The following CA11 variants were observed in gnomAD, a reference collection of about 807,000 sequenced individuals.
CA11 encodes carbonic anhydrase 11 (inactive), also known as carbonic anhydrase-related protein 11.
A neutral mutation model predicts 39.3 loss-of-function variants in CA11; 20 were observed. The observed-to-expected ratio is 0.51, with a 90% CI of 0.36 to 0.74. The LOEUF (loss-of-function observed/expected upper bound fraction) is 0.74, where lower values mean the gene tolerates loss of function less well. CA11 is among the 30% of genes least tolerant of loss of function. The probability of loss-of-function intolerance (pLI) is 0.00; values close to 1 mark genes in which losing one functional copy is unlikely to be tolerated. For missense variants in CA11, 336 were observed against 424.6 expected (o/e 0.79, Z 1.83); for synonymous variants, 166 against 172.5 (o/e 0.96, Z 0.29).
At chr19:48,638,860 C>T (rs1488709970) in intron 8 of CA11, 28 bp downstream of exon 8, 1 of 1,538,640 alleles carries the variant, frequency 6.5e-7, no homozygotes, top group East Asian at 2.3e-5. Context: ...TAGCCCAAGA[C>T]TTAGAGGGGG....
Position 48,639,051 on chromosome 19 carries a change from C to T in CA11, c.798G>A (p.Met266Ile). 1.2e-6 allele frequency: 2 copies of T among 1,613,782 alleles called. No homozygotes were observed. Among genetic ancestry groups the T allele is most frequent in the Non-Finnish European group, 1.7e-6 (2 of 1,179,892 alleles). ...TCTGGCTCAGGAGTCTCAGGGAGTGCATCTGCAGTGGAAGGAGGGTGGGAA... is the reference window on the plus strand; with the variant it reads ...TCTGGCTCAGGAGTCTCAGGGAGTGTATCTGCAGTGGAAGGAGGGTGGGAA... ...DRALNITSLQ[M>I]HSLRLLSQNP... Residue 266 changes from methionine (M) to isoleucine (I), a missense_variant and splice_region_variant, in exon 8 of 9, where the codon ATG (methionine) becomes ATA (isoleucine). Coordinates refer to ENST00000084798, the MANE Select transcript of CA11 (RefSeq NM_001217.5).
intron 2 of CA11, 142 bp downstream of exon 2, chr19:48,645,261 C>G: frequency 2.9e-6 from 2 of 681,376 alleles, no homozygotes; most frequent in Non-Finnish European, 5.0e-6. Flanking sequence ...GGTTCAGAAG[C>G]TGGCCCGACT....
At chr19:48,642,729 A>C (rs1271156373) in intron 3 of CA11, among the ~76,000 whole-genome samples, 1 of 152,130 alleles carries the variant, frequency 6.6e-6, no homozygotes, top group East Asian at 1.9e-4. Context: ...GTACGCCACC[A>C]GTCCAGGTGG....
intron 2 of CA11, among the ~76,000 whole-genome samples, 183 bp downstream of exon 2, chr19:48,645,220 G>T (rs2031210298): frequency 6.6e-6 from 1 of 152,052 alleles, no homozygotes; most frequent in South Asian, 2.1e-4. Flanking sequence ...CTTGAAATGC[G>T]CATGTATAAT....
chr19:48,646,138 A>C lies in CA11; in HGVS notation c.-506T>G, dbSNP rs1601193890. 3.2e-5 allele frequency: 7 copies of C among 217,370 alleles called. No homozygotes were observed. Among genetic ancestry groups the C allele is most frequent in the Admixed American group, 1.2e-4 (2 of 16,352 alleles). The allele number at this position is 217,370 out of a possible 1,614,324, so 13.5% of individuals were successfully genotyped here. A position where few individuals can be genotyped will look rare whatever the true frequency, so the allele number is the denominator to read the frequency against. On this transcript the variant is annotated 5_prime_UTR_variant, in exon 1 of 9. Transcript: ENST00000084798. ...CGGCCTCCAGCTTCGTGCTCTCCCCACCTCCTCCTCTCCTGCCTCTTCTCC... is the reference window on the plus strand; with the variant it reads ...CGGCCTCCAGCTTCGTGCTCTCCCCCCCTCCTCCTCTCCTGCCTCTTCTCC...
At position 48,639,533 on chromosome 19, in the gene CA11, C is replaced by T. The variant is rs1022373361; in HGVS notation, c.640+16G>A. 1 of 1,613,896 alleles carries T rather than the reference C, an allele frequency of 6.2e-7. No individual in the cohort carries two copies. The highest frequency in any genetic ancestry group is 8.5e-7 in the Non-Finnish European group (1 of 1,179,960). On this transcript the variant is annotated intron_variant, in intron 6 of 8. Coordinates refer to ENST00000084798, the MANE Select transcript of CA11 (RefSeq NM_001217.5). ...CCTCGTGTGTGACCACTGCCCCCAG[C>T]ACGCCAGGGACTTACTCTTGTAGGA...
At chr19:48,640,364 A>C in intron 3 of CA11, 84 bp from the exon 4 acceptor site, 6 of 677,472 alleles carry the variant, frequency 8.9e-6, no homozygotes, top group Middle Eastern at 4.4e-4. Context: ...TGATTCCAAC[A>C]GTCTTTTTTT....
At chr19:48,641,452 A>G (rs2031083040) in intron 3 of CA11, among the ~76,000 whole-genome samples, 1 of 152,144 alleles carries the variant, frequency 6.6e-6, no homozygotes, top group Admixed American at 6.5e-5. Context: ...AAGTAGACAA[A>G]AGTCCTGGGC....
At chr19:48,640,671 G>GT (rs752125581) in intron 3 of CA11, among the ~76,000 whole-genome samples, 4 of 136,456 alleles carry the variant, frequency 2.9e-5, no homozygotes, top group Non-Finnish European at 6.5e-5. Flanking sequence ...ACCGCACCCG[G>GT]TCTTTTTTTT....
intron 2 of CA11, among the ~76,000 whole-genome samples, 177 bp downstream of exon 2, chr19:48,645,226 A>G (rs1462396298): frequency 6.6e-6 from 1 of 152,002 alleles, no homozygotes; most frequent in East Asian, 1.9e-4. Flanking sequence ...ATGCGCATGT[A>G]TAATGTCCCA....
intron 8 of CA11, 37 bp from the exon 9 acceptor site, chr19:48,638,181 T>A: frequency 1.7e-6 from 2 of 1,200,408 alleles, no homozygotes; most frequent in Non-Finnish European, 2.1e-6. Flanking sequence ...GGCGTCAGTA[T>A]AGGATGGAAG....
In CA11 at chr19:48,638,097, G is replaced by C; in HGVS notation, c.*22C>G. ...TTGTGGGGAGGCTTAGGACGGGCGG[G>C]TGCAATCCTCGAAGGGGAGTCTCAG... On this transcript the variant is annotated 3_prime_UTR_variant, in exon 9 of 9. Transcript: ENST00000084798. 6.9e-7 allele frequency: 1 copy of C among 1,452,946 alleles called. No homozygotes were observed. Among genetic ancestry groups the C allele is most frequent in the Non-Finnish European group, 9.1e-7 (1 of 1,101,676 alleles). 90.0% of individuals were successfully genotyped at this position (1,452,946 alleles called of 1,614,324 possible).
At chr19:48,639,504 AC>A (rs1311322220) in intron 6 of CA11, 44 bp downstream of exon 6, 1 of 1,613,244 alleles carries the variant, frequency 6.2e-7, no homozygotes, top group African/African-American at 1.3e-5. Flanking sequence ...GCACTCTTGA[AC>A]CCCCTCGTGT....
intron 3 of CA11, among the ~76,000 whole-genome samples, chr19:48,642,665 C>T (rs991946619): frequency 2.6e-5 from 4 of 152,082 alleles, no homozygotes; most frequent in Admixed American, 2.6e-4. Flanking sequence ...AAACATCTCT[C>T]TAGCTGTGGG....
chr19:48,638,967 C>T lies in CA11; in HGVS notation c.882G>A (p.Leu294=). ...LSGNSRPLQP[L]AHRALRGNRD... is the part of the protein sequence containing the mutation. Reference sequence around the variant, plus strand: ...TGTTGCCCCTCAGTGCCCTGTGGGCCAAGGGCTGCAGGGGCCGGCTGTTAC... The same window carrying T: ...TGTTGCCCCTCAGTGCCCTGTGGGCTAAGGGCTGCAGGGGCCGGCTGTTAC... The change falls in exon 8 of 9, where the codon TTG becomes TTA. Residue 294 remains leucine (L), a synonymous_variant. Transcript: ENST00000084798. 1 of 1,613,502 alleles carries T rather than the reference C, an allele frequency of 6.2e-7. No individual in the cohort carries two copies.
In CA11 at chr19:48,637,951, G is replaced by A. The variant is rs1049869261; in HGVS notation, c.*168C>T. The A allele has an allele frequency of 4.5e-6, 2 of 441,790 alleles. No homozygotes were observed. Among genetic ancestry groups the A allele is most frequent in the African/African-American group, 4.1e-5 (2 of 48,902 alleles). The allele number at this position is 441,790 out of a possible 1,614,324, so 27.4% of individuals were successfully genotyped here. On this transcript the variant is annotated 3_prime_UTR_variant, in exon 9 of 9. Coordinates refer to ENST00000084798, the MANE Select transcript of CA11 (RefSeq NM_001217.5). ...TTTAGAAAGAGGAAGATTGGTTTCC[G>A]GAAGAAGTCTGTTCTTTAATACCCA...
intron 8 of CA11, 52 bp downstream of exon 8, chr19:48,638,836 A>G: frequency 6.7e-7 from 1 of 1,485,076 alleles, no homozygotes; most frequent in Non-Finnish European, 9.0e-7. Context: ...AAGGGGAGAC[A>G]CATATAAGAG....
intron 8 of CA11, 47 bp downstream of exon 8, chr19:48,638,841 T>A: frequency 6.7e-7 from 1 of 1,502,796 alleles, no homozygotes; most frequent in Non-Finnish European, 8.9e-7. Context: ...GAGACACATA[T>A]AAGAGGGTTA....
intron 2 of CA11, among the ~76,000 whole-genome samples, chr19:48,644,857 A>T (rs922809477): frequency 6.6e-6 from 1 of 152,018 alleles, no homozygotes; most frequent in Non-Finnish European, 1.5e-5. Context: ...GGCCTCCTAA[A>T]GTGCTGGGAT....
Sources: allele counts gnomAD v4.1 joint callset (sites outside exome capture counted in the v4.1 genomes callset), GRCh38; gene constraint gnomAD v4.1.1; transcripts MANE v1.5; gene names NCBI Gene and HGNC (gene_info 2026-07-23, HGNC 2026-07-21).